Variants in KANK1 observed in about 807,000 individuals in gnomAD.
The protein encoded by KANK1 is KN motif and ankyrin repeat domains 1, also known as KN motif and ankyrin repeat domain-containing protein 1.
KANK1 carries 109 observed loss-of-function variants against 106.2 expected under a neutral mutation model. That is an observed-to-expected ratio of 1.03 (90% CI 0.88 to 1.20). The LOEUF is 1.20. Among genes scored for constraint, KANK1 ranks in the 50% most tolerant of loss-of-function variants. The probability of loss-of-function intolerance (pLI) is 0.00; values close to 1 mark genes in which losing one functional copy is unlikely to be tolerated. For synonymous variants in KANK1, 873 were observed against 652.2 expected, an observed-to-expected ratio of 1.34 and a Z score of -5.16; for missense variants, 2,399 against 1,710.7, an observed-to-expected ratio of 1.40 and a Z score of -7.10.
At chr9:602,292 G>T (rs545337319) in intron 1 of KANK1, among the ~76,000 whole-genome samples, 1 of 151,202 alleles carries the variant, frequency 6.6e-6, no homozygotes, top group Admixed American at 6.6e-5. Flanking sequence ...ACGGAGTCTC[G>T]CTCTGTTGCC....
chr9:548,798 G>T (rs1182129032), intron 1 of KANK1, among the ~76,000 whole-genome samples: 8 of 152,054 alleles, frequency 5.3e-5, no homozygotes, highest in Admixed American at 2.6e-4. Flanking sequence ...TAAAATAGAG[G>T]CTAGGCACAG....
chr9:524,104 G>A (rs1019381777), intron 1 of KANK1, among the ~76,000 whole-genome samples: 5 of 151,714 alleles, frequency 3.3e-5, no homozygotes, highest in East Asian at 1.9e-4. Context: ...TTAGGAAAAC[G>A]TTTATTTCCT....
intron 2 of KANK1, among the ~76,000 whole-genome samples, chr9:677,796 A>G (rs1310268889): frequency 1.3e-5 from 2 of 152,210 alleles, no homozygotes; most frequent in Admixed American, 6.5e-5. Flanking sequence ...AACACCTTCA[A>G]ATGACAACAT....
intron 3 of KANK1, among the ~76,000 whole-genome samples, chr9:497,187 C>A (rs922247629): frequency 2.0e-5 from 3 of 151,966 alleles, no homozygotes; most frequent in East Asian, 3.9e-4. Flanking sequence ...TAAATTAGGT[C>A]TTTTCCTTCA....
intron 2 of KANK1, among the ~76,000 whole-genome samples, chr9:687,377 T>A (rs1244173212): frequency 6.6e-6 from 1 of 152,218 alleles, no homozygotes; most frequent in Non-Finnish European, 1.5e-5. Flanking sequence ...TTTCACAAAC[T>A]TTAATCTCTA....
At chr9:499,033 C>A (rs1183557864) in intron 3 of KANK1, among the ~76,000 whole-genome samples, 1 of 151,956 alleles carries the variant, frequency 6.6e-6, no homozygotes, top group Non-Finnish European at 1.5e-5. Flanking sequence ...AAAAAATTAG[C>A]CAGGCGTGGT....
intron 1 of KANK1, among the ~76,000 whole-genome samples, chr9:517,763 G>A (rs2059352837): frequency 7.1e-6 from 1 of 140,444 alleles, no homozygotes; most frequent in African/African-American, 2.7e-5. Flanking sequence ...TTTTGAGACA[G>A]AGTCTCGCTC....
intron 1 of KANK1, among the ~76,000 whole-genome samples, chr9:635,500 C>G (rs7046978): frequency 0.46 from 69,109 of 151,804 alleles, 16,379 homozygotes; most frequent in East Asian, 0.59. Context: ...ATACCACGCA[C>G]AGATGGAAGT....
chr9:490,511 C>CTAA (rs113286547), intron 3 of KANK1, among the ~76,000 whole-genome samples: 14 of 151,832 alleles, frequency 9.2e-5, no homozygotes, highest in East Asian at 1.9e-4. Context: ...TTGTCTCAAA[C>CTAA]TAATAATAAT....
chr9:635,536 C>T (rs528272416), intron 1 of KANK1, among the ~76,000 whole-genome samples: 1 of 152,182 alleles, frequency 6.6e-6, no homozygotes, highest in East Asian at 1.9e-4. Flanking sequence ...TCATATCAGC[C>T]CCTTGAGACT....
chr9:594,820 G>C (rs1385027252), intron 1 of KANK1, among the ~76,000 whole-genome samples: 2 of 151,806 alleles, frequency 1.3e-5, no homozygotes, highest in Non-Finnish European at 2.9e-5. Flanking sequence ...TAAAAATCTG[G>C]AGAGTTCAGA....
In KANK1 at chr9:568,372, T is replaced by C. The variant is rs142789722; in HGVS notation, c.-84+63618T>C. 8.1e-4 allele frequency among the ~76,000 whole-genome samples: 124 copies of C among 152,352 alleles called. 1 individual carries two copies. The Middle Eastern group carries it at 0.024, about 29-fold the overall frequency. On this transcript the variant is annotated intron_variant, in intron 1 of 11. Coordinates refer to ENST00000382297, the MANE Select transcript of KANK1 (RefSeq NM_015158.5). ...AACATGTTTAAGATATGTATCATAA[T>C]TTAACAAATTATTAAGTTTCTGAAA... is the stretch of plus-strand genomic sequence containing the variant.
At chr9:507,649 T>C (rs62529929) in intron 1 of KANK1, among the ~76,000 whole-genome samples, 23,608 of 149,724 alleles carry the variant, frequency 0.16, 3,296 homozygotes, top group African/African-American at 0.38. Context: ...CTCCGCCTCC[T>C]GGGTTCAAGC....
chr9:507,381 A>G (rs1237925601), intron 1 of KANK1, among the ~76,000 whole-genome samples: 1 of 151,932 alleles, frequency 6.6e-6, no homozygotes, highest in African/African-American at 2.4e-5. Flanking sequence ...TACCATAGGT[A>G]TACATATCCC....
At chr9:537,648 A>G (rs1175170341) in intron 1 of KANK1, among the ~76,000 whole-genome samples, 2 of 152,098 alleles carry the variant, frequency 1.3e-5, no homozygotes, top group Non-Finnish European at 2.9e-5. Context: ...CACCTGTGCC[A>G]TTCGGAGCAG....
At chr9:740,185 A>G (rs866713096) in intron 8 of KANK1, among the ~76,000 whole-genome samples, 9 of 152,204 alleles carry the variant, frequency 5.9e-5, no homozygotes, top group South Asian at 2.1e-4. Flanking sequence ...AAGAATTACA[A>G]GAATAGAAAA....
intron 1 of KANK1, among the ~76,000 whole-genome samples, chr9:570,935 T>C (rs957335114): frequency 5.3e-5 from 8 of 152,206 alleles, no homozygotes; most frequent in Non-Finnish European, 1.2e-4. Context: ...CTGTGTGGAA[T>C]TTTTTTGAAC....
chr9:582,047 A>G (rs571145717), intron 1 of KANK1, among the ~76,000 whole-genome samples: 2 of 152,202 alleles, frequency 1.3e-5, no homozygotes, highest in Admixed American at 1.3e-4. Context: ...CAGAGAGAAA[A>G]ACATTGGAAC....
intron 11 of KANK1, chr9:744,815 C>G (rs1032905157): frequency 5.6e-6 from 8 of 1,434,596 alleles, no homozygotes; most frequent in Non-Finnish European, 7.3e-6. Context: ...GACATATGCT[C>G]ACAGCTTCCC....
Sources: gnomAD v4.1 joint callset for allele counts (sites outside exome capture counted in the v4.1 genomes callset) on GRCh38, gnomAD v4.1.1 for gene constraint, MANE v1.5 for transcripts, NCBI Gene and HGNC (gene_info 2026-07-23, HGNC 2026-07-21) for gene names.